Variants in FHIT observed in about 807,000 individuals in gnomAD.
The protein encoded by FHIT is bis(5'-adenosyl)-triphosphatase.
A neutral mutation model predicts 17.9 loss-of-function variants in FHIT; 19 were observed. The observed-to-expected ratio is 1.06, with a 90% CI of 0.74 to 1.56. FHIT has a LOEUF of 1.56. Ranked by LOEUF, FHIT falls within the 40% of genes most tolerant of loss-of-function variation. The pLI, the probability that FHIT is intolerant of heterozygous loss-of-function variation, is 0.00. For synonymous variants in FHIT, 81 were observed against 69.7 expected, an observed-to-expected ratio of 1.16 and a Z score of -0.81; for missense variants, 248 against 189.2, an observed-to-expected ratio of 1.31 and a Z score of -1.82.
intron 5 of FHIT, among the ~76,000 whole-genome samples, chr3:60,234,932 G>C (rs1704690396): frequency 6.6e-6 from 1 of 152,124 alleles, no homozygotes; most frequent in Admixed American, 6.5e-5. Flanking sequence ...ACTGTAGTTA[G>C]TTAATATTTT....
At chr3:60,795,370 T>A (rs868960404) in intron 4 of FHIT, among the ~76,000 whole-genome samples, 2 of 152,240 alleles carry the variant, frequency 1.3e-5, no homozygotes, top group Admixed American at 6.5e-5. Context: ...CTCTTTCCTG[T>A]TGAATATGTT....
intron 3 of FHIT, among the ~76,000 whole-genome samples, chr3:60,855,569 T>A (rs1173412362): frequency 6.6e-6 from 1 of 152,100 alleles, no homozygotes; most frequent in African/African-American, 2.4e-5. Context: ...CTACCTCCTG[T>A]TTTCTCATAG....
intron 5 of FHIT, among the ~76,000 whole-genome samples, chr3:60,257,865 C>A (rs1304593820): frequency 1.3e-5 from 2 of 151,846 alleles, no homozygotes; most frequent in Non-Finnish European, 2.9e-5. Flanking sequence ...AGACACATGG[C>A]GGGAACAAAA....
chr3:60,101,505 C>T (rs1456650769), intron 5 of FHIT, among the ~76,000 whole-genome samples: 2 of 152,186 alleles, frequency 1.3e-5, no homozygotes, highest in African/African-American at 2.4e-5. Flanking sequence ...CTCTGCCTTC[C>T]CTCACCCACC....
intron 5 of FHIT, among the ~76,000 whole-genome samples, chr3:60,083,787 C>A (rs1475758541): frequency 6.6e-6 from 1 of 152,196 alleles, no homozygotes; most frequent in Non-Finnish European, 1.5e-5. Flanking sequence ...TGGCTGTGTT[C>A]CAGTGAAACT....
intron 3 of FHIT, among the ~76,000 whole-genome samples, chr3:60,957,278 CT>C (rs1709214509): frequency 8.2e-6 from 1 of 121,378 alleles, no homozygotes. Context: ...CACTTTGTTG[CT>C]CAGGCTGGAG....
At chr3:61,164,562 C>G (rs1205549596) in intron 2 of FHIT, among the ~76,000 whole-genome samples, 4 of 152,114 alleles carry the variant, frequency 2.6e-5, no homozygotes, top group African/African-American at 9.7e-5. Flanking sequence ...GTTCTCTAAG[C>G]CTGAGTTTAC....
intron 4 of FHIT, among the ~76,000 whole-genome samples, chr3:60,815,190 G>A (rs1221943225): frequency 6.6e-6 from 1 of 151,770 alleles, no homozygotes; most frequent in Non-Finnish European, 1.5e-5. Context: ...CATCCTGTAG[G>A]TTGTTTACTC....
At chr3:60,537,699 G>A (rs2036035693) in intron 4 of FHIT, among the ~76,000 whole-genome samples, 1 of 152,098 alleles carries the variant, frequency 6.6e-6, no homozygotes, top group Non-Finnish European at 1.5e-5. Flanking sequence ...AGGGAATTTG[G>A]CAAATGGCAC....
At chr3:60,715,266 C>T (rs2041652750) in intron 4 of FHIT, among the ~76,000 whole-genome samples, 1 of 152,028 alleles carries the variant, frequency 6.6e-6, no homozygotes, top group South Asian at 2.1e-4. Flanking sequence ...CTTTCTTACA[C>T]CTTATACAAA....
At chr3:59,861,686 A>G (rs1019821394) in intron 8 of FHIT, among the ~76,000 whole-genome samples, 1 of 152,208 alleles carries the variant, frequency 6.6e-6, no homozygotes, top group African/African-American at 2.4e-5. Flanking sequence ...AATCACATTC[A>G]TCACCTTTTC....
chr3:60,837,195 A>G (rs782494111), intron 3 of FHIT, among the ~76,000 whole-genome samples: 2 of 152,168 alleles, frequency 1.3e-5, no homozygotes, highest in Non-Finnish European at 2.9e-5. Flanking sequence ...AAGGGAGTAT[A>G]TATGGTGAAA....
At chr3:60,253,980 C>T (rs1346889813) in intron 5 of FHIT, among the ~76,000 whole-genome samples, 1 of 152,110 alleles carries the variant, frequency 6.6e-6, no homozygotes, top group Non-Finnish European at 1.5e-5. Context: ...ATAACTCAAA[C>T]CTACAATTGG....
chr3:60,642,417 G>A (rs550677854), intron 4 of FHIT, among the ~76,000 whole-genome samples: 1 of 152,190 alleles, frequency 6.6e-6, no homozygotes, highest in Non-Finnish European at 1.5e-5. Context: ...ATGGAACTGA[G>A]TATTTCTAAG....
chr3:60,875,570 T>C (rs782386297), intron 3 of FHIT, among the ~76,000 whole-genome samples: 5 of 152,150 alleles, frequency 3.3e-5, no homozygotes, highest in Non-Finnish European at 7.3e-5. Flanking sequence ...AGTTATCAAA[T>C]TTAGGTTAAT....
chr3:60,397,855 GT>G (rs1343068005), intron 5 of FHIT, among the ~76,000 whole-genome samples: 2 of 152,078 alleles, frequency 1.3e-5, no homozygotes, highest in African/African-American at 4.8e-5. Flanking sequence ...TTCCTAATTA[GT>G]TGTCTACACT....
chr3:60,651,213 T>C (rs1208421055), intron 4 of FHIT, among the ~76,000 whole-genome samples: 1 of 152,156 alleles, frequency 6.6e-6, no homozygotes, highest in Non-Finnish European at 1.5e-5. Context: ...TATTTTCTTG[T>C]CTTAAATTCC....
At chr3:60,314,144 G>A (rs1336724463) in intron 5 of FHIT, among the ~76,000 whole-genome samples, 1 of 152,088 alleles carries the variant, frequency 6.6e-6, no homozygotes, top group African/African-American at 2.4e-5. Flanking sequence ...ATAAAGTCTT[G>A]CTGCGTAAAT....
intron 1 of FHIT, among the ~76,000 whole-genome samples, chr3:61,250,609 C>G (rs535238058): frequency 2.0e-5 from 3 of 152,230 alleles, no homozygotes; most frequent in African/African-American, 2.4e-5. Context: ...ACAGAGAAAT[C>G]TGCAGATGCA....
Sources: allele counts gnomAD v4.1 joint callset (sites outside exome capture counted in the v4.1 genomes callset), GRCh38; gene constraint gnomAD v4.1.1; transcripts MANE v1.5; gene names NCBI Gene and HGNC (gene_info 2026-07-23, HGNC 2026-07-21).